The following BTBD8 variants were observed in gnomAD, a reference collection of about 807,000 sequenced individuals.
BTBD8 encodes the protein BTB/POZ domain-containing protein 8.
In BTBD8, 110 loss-of-function variants were observed where a neutral mutation model predicts 162.9. The ratio of observed to expected loss-of-function variants is 0.68; its 90% CI spans 0.58 to 0.79. BTBD8 has a LOEUF of 0.79. BTBD8 is among the 30% of genes least tolerant of loss of function. The pLI is 0.00. For missense variants in BTBD8, 1,905 were observed against 2,085.4 expected, an observed-to-expected ratio of 0.91 and a Z score of 1.68; for synonymous variants, 667 against 716.1, an observed-to-expected ratio of 0.93 and a Z score of 1.10.
At position 92,178,337 on chromosome 1, in the gene BTBD8, G is replaced by A; in HGVS notation, c.2467G>A (p.Gly823Arg). Reference protein sequence around the residue: ...NSVLKKVSGKGCSEPVPQAIL... With the variant: ...NSVLKKVSGKRCSEPVPQAIL... ...TGTACTAAAGAAAGTCAGTGGCAAA[G>A]GATGTAGTGAGCCAGTACCACAGGC... The change falls in exon 16 of 18, where the codon GGA becomes AGA. Residue 823 changes from glycine (G) to arginine (R), a missense_variant. Gly to Arg is a moderately radical substitution (Grantham distance 125). Transcript: ENST00000636805. The A allele has an allele frequency of 6.4e-7, 1 of 1,551,264 alleles. No individual in the cohort carries two copies. Among genetic ancestry groups the A allele is most frequent in the Non-Finnish European group, 8.7e-7 (1 of 1,146,732 alleles).
At position 92,090,979 on chromosome 1, in the gene BTBD8, T is replaced by G. The variant is rs2101894554; in HGVS notation, c.347+2084T>G. 2.0e-5 allele frequency among the ~76,000 whole-genome samples: 3 copies of G among 152,348 alleles called. 1 individual carries two copies. The Middle Eastern group carries it at 0.01, about 518-fold the overall frequency. On this transcript the variant is annotated intron_variant, in intron 2 of 17. Coordinates refer to ENST00000636805, the MANE Select transcript of BTBD8 (RefSeq NM_001376131.1). ...GTAGTCTAGCTTATGTAATTTTTCT[T>G]TTGTCACTGTGCTTCTGGTGTGATG...
intron 9 of BTBD8, among the ~76,000 whole-genome samples, chr1:92,150,237 C>T (rs541680379): frequency 1.3e-5 from 2 of 152,276 alleles, no homozygotes; most frequent in Non-Finnish European, 2.9e-5. Flanking sequence ...ACAAAAAGAT[C>T]ATCAGCCTTC....
intron 1 of BTBD8, among the ~76,000 whole-genome samples, chr1:92,084,638 T>G (rs2101889861): frequency 6.6e-6 from 1 of 152,334 alleles, no homozygotes; most frequent in Admixed American, 6.5e-5. Context: ...GTAAGGTGGA[T>G]ATCTTGTCCA....
chr1:92,133,736 T>A (rs375590139), intron 5 of BTBD8, among the ~76,000 whole-genome samples: 1 of 152,132 alleles, frequency 6.6e-6, no homozygotes, highest in South Asian at 2.1e-4. Flanking sequence ...TTTGGGAGGC[T>A]GAGGCGGGCG....
At chr1:92,082,124 GA>G (rs1473283406) in intron 1 of BTBD8, among the ~76,000 whole-genome samples, 1 of 152,016 alleles carries the variant, frequency 6.6e-6, no homozygotes, top group Non-Finnish European at 1.5e-5. Context: ...TATTGCTAGT[GA>G]ACAATTTATC....
chr1:92,107,517 A>T (rs1331660582), intron 3 of BTBD8, among the ~76,000 whole-genome samples: 1 of 152,208 alleles, frequency 6.6e-6, no homozygotes, highest in Non-Finnish European at 1.5e-5. Context: ...TAGGAACAAT[A>T]GGCTATACCA....
chr1:92,146,660 CTG>C (rs1649929682), intron 7 of BTBD8, among the ~76,000 whole-genome samples: 1 of 152,144 alleles, frequency 6.6e-6, no homozygotes, highest in Admixed American at 6.5e-5. Context: ...TTTACTGTCT[CTG>C]TAGTTTTGTT....
At chr1:92,150,408 T>A (rs937979777) in intron 9 of BTBD8, among the ~76,000 whole-genome samples, 14 of 152,204 alleles carry the variant, frequency 9.2e-5, no homozygotes, top group Admixed American at 5.2e-4. Flanking sequence ...AATAAATGTT[T>A]GCAAAGCAAA....
At chr1:92,140,914 A>G (rs571778027) in intron 6 of BTBD8, among the ~76,000 whole-genome samples, 3 of 152,264 alleles carry the variant, frequency 2.0e-5, no homozygotes, top group African/African-American at 7.2e-5. Context: ...TAATCAAATC[A>G]TGTGTCAGTG....
At chr1:92,179,894 A>T (rs1650833925) in intron 16 of BTBD8, among the ~76,000 whole-genome samples, 2 of 152,092 alleles carry the variant, frequency 1.3e-5, no homozygotes, top group Non-Finnish European at 2.9e-5. Context: ...TTCTCCAAAA[A>T]CTTCAAAGGG....
intron 13 of BTBD8, among the ~76,000 whole-genome samples, chr1:92,172,076 A>G (rs1275050252): frequency 1.3e-5 from 2 of 152,126 alleles, no homozygotes; most frequent in African/African-American, 2.4e-5. Flanking sequence ...GGGTGACAAG[A>G]GCGAAACTCC....
intron 9 of BTBD8, among the ~76,000 whole-genome samples, chr1:92,148,368 C>G (rs975503783): frequency 6.6e-6 from 1 of 152,070 alleles, no homozygotes; most frequent in Non-Finnish European, 1.5e-5. Flanking sequence ...ACTCACTTAC[C>G]AGCTAATAAA....
intron 4 of BTBD8, among the ~76,000 whole-genome samples, chr1:92,128,672 G>A (rs185664072): frequency 7.3e-5 from 11 of 151,618 alleles, no homozygotes; most frequent in African/African-American, 2.2e-4. Flanking sequence ...CACCCGCCTC[G>A]GCCTCCCAAA....
chr1:92,140,552 C>T (rs1009151506), intron 6 of BTBD8, among the ~76,000 whole-genome samples: 3 of 152,116 alleles, frequency 2.0e-5, no homozygotes, highest in Non-Finnish European at 4.4e-5. Flanking sequence ...AAGGTTTTGT[C>T]CCCTGGCAAC....
rs1232473665 is a variant in BTBD8 at position 92,137,708 on chromosome 1, G to A, written c.753-1642G>A. Among the ~76,000 whole-genome samples the A allele has an allele frequency of 3.9e-5, 6 of 152,168 alleles. 1 individual carries two copies. The East Asian group carries it at 1.2e-3, about 29-fold the overall frequency. On this transcript the variant is annotated intron_variant, in intron 5 of 17. Coordinates refer to ENST00000636805, the MANE Select transcript of BTBD8 (RefSeq NM_001376131.1). ...CTTATCTGAAATGCTTGGGATCAGA[G>A]TGTTTCAGATTTTTTCAGATCTTAG...
intron 2 of BTBD8, among the ~76,000 whole-genome samples, chr1:92,094,821 G>GTT (rs911075390): frequency 2.0e-5 from 3 of 152,148 alleles, no homozygotes; most frequent in African/African-American, 4.8e-5. Context: ...TGGATGTTTA[G>GTT]TTTAACATCA....
chr1:92,143,861 A>G (rs922631999), intron 7 of BTBD8, among the ~76,000 whole-genome samples: 75 of 151,484 alleles, frequency 5.0e-4, no homozygotes, highest in African/African-American at 1.7e-3. Flanking sequence ...ATTTGAGAGA[A>G]CAATTTCTGG....
intron 9 of BTBD8, among the ~76,000 whole-genome samples, chr1:92,162,612 A>G (rs1186364356): frequency 9.2e-5 from 14 of 152,316 alleles, no homozygotes; most frequent in South Asian, 8.3e-4. Flanking sequence ...TGTATTTCTA[A>G]CAGGCTCTGG....
At chr1:92,080,961 C>T (rs571956462) in intron 1 of BTBD8, among the ~76,000 whole-genome samples, 40 of 152,328 alleles carry the variant, frequency 2.6e-4, no homozygotes, top group East Asian at 1.9e-4. Flanking sequence ...ACAAAAAAAG[C>T]TTAGTCGTGT....
Sources: allele counts gnomAD v4.1 joint callset (sites outside exome capture counted in the v4.1 genomes callset), GRCh38; gene constraint gnomAD v4.1.1; transcripts MANE v1.5; gene names NCBI Gene and HGNC (gene_info 2026-07-23, HGNC 2026-07-21).